The following ANKRD11 variants were observed in gnomAD, a reference collection of about 807,000 sequenced individuals.
ANKRD11 encodes the protein ankyrin repeat domain 11, also known as ankyrin repeat domain-containing protein 11.
A neutral mutation model predicts 195.7 loss-of-function variants in ANKRD11; 17 were observed. The observed-to-expected ratio is 0.09, with a 90% CI of 0.06 to 0.13. The LOEUF is 0.13. Among genes scored for constraint, ANKRD11 ranks in the 10% least tolerant of loss-of-function variants. The probability of loss-of-function intolerance (pLI) is 1.00; values close to 1 mark genes in which losing one functional copy is unlikely to be tolerated. For missense variants in ANKRD11, 3,735 were observed against 3,566.1 expected, an observed-to-expected ratio of 1.05 and a Z score of -1.21; for synonymous variants, 1,953 against 1,528.1, an observed-to-expected ratio of 1.28 and a Z score of -6.49.
chr16:89,324,247 G>C, intron 2 of ANKRD11: 1 of 1,214,912 alleles, frequency 8.2e-7, no homozygotes, highest in Non-Finnish European at 1.0e-6. Context: ...CACATGCTTG[G>C]TCACTGGGCT....
rs758065235 is a variant in ANKRD11 at position 89,283,849 on chromosome 16, C to G, written c.2693G>C (p.Arg898Pro). The G allele has an allele frequency of 1.9e-6, 3 of 1,614,162 alleles. No homozygotes were observed. The highest frequency in any genetic ancestry group is 1.3e-5 in the African/African-American group (1 of 75,044). Reference protein sequence around the residue: ...RRRDSRAREKRDYREPFFRKK... With the variant: ...RRRDSRAREKPDYREPFFRKK... ...TCGGAAGAAGGGCTCTCTGTAGTCT[C>G]GCTTCTCCCGGGCCCGGCTGTCCCG... The change falls in exon 9 of 13, where the codon CGA (arginine) becomes CCA (proline). Residue 898 changes from arginine to proline, a missense_variant. By Grantham distance (103) the Arg-to-Pro change is moderately radical. Transcript: ENST00000301030. The surrounding 1 kb of genome is among the most constrained non-coding windows in gnomAD (Gnocchi z 4.3).
intron 2 of ANKRD11, among the ~76,000 whole-genome samples, chr16:89,415,642 A>G (rs1451173235): frequency 6.6e-6 from 1 of 151,276 alleles, no homozygotes; most frequent in Non-Finnish European, 1.5e-5. Flanking sequence ...AGCCTGGCCA[A>G]CACAGTGAAA....
intron 3 of ANKRD11, among the ~76,000 whole-genome samples, chr16:89,312,962 T>C (rs1444981761): frequency 6.6e-6 from 1 of 152,214 alleles, no homozygotes; most frequent in Non-Finnish European, 1.5e-5. Context: ...AGTCTGTAAC[T>C]GGCACAGACT....
At chr16:89,293,087 C>A (rs774406096) in intron 4 of ANKRD11, among the ~76,000 whole-genome samples, 1 of 152,194 alleles carries the variant, frequency 6.6e-6, no homozygotes, top group Non-Finnish European at 1.5e-5. Context: ...TGCCCACAGT[C>A]GCCTGGAGAA....
intron 2 of ANKRD11, among the ~76,000 whole-genome samples, chr16:89,413,274 T>C (rs2042168122): frequency 6.6e-6 from 1 of 152,226 alleles, no homozygotes; most frequent in Admixed American, 6.5e-5. Flanking sequence ...CATATTTTTT[T>C]GATAATAATG....
At chr16:89,307,556 CG>C (rs1019558384) in intron 3 of ANKRD11, among the ~76,000 whole-genome samples, 25 of 152,298 alleles carry the variant, frequency 1.6e-4, no homozygotes, top group African/African-American at 6.0e-4. Context: ...GCCTCAGGAA[CG>C]TAACACCCAC....
intron 1 of ANKRD11, among the ~76,000 whole-genome samples, chr16:89,472,574 C>G (rs2057123946): frequency 6.6e-6 from 1 of 152,132 alleles, no homozygotes; most frequent in Non-Finnish European, 1.5e-5. Flanking sequence ...GGCTGGAGGG[C>G]AGTGGCACAT....
intron 4 of ANKRD11, chr16:89,300,666 G>C (rs192476569): frequency 7.6e-6 from 4 of 526,242 alleles, no homozygotes; most frequent in Non-Finnish European, 1.3e-5. Context: ...GGAGCCGTCA[G>C]AACAGCCGTC....
rs1240991756 is a variant in ANKRD11, at chr16:89,285,317, C to A, written c.1225G>T (p.Asp409Tyr). 13 of 1,614,000 alleles carry A rather than the reference C, an allele frequency of 8.1e-6. No homozygotes were observed. The highest frequency in any genetic ancestry group is 1.1e-5 in the Non-Finnish European group (13 of 1,180,036). ...PKKASHRILS[D>Y]TSDEEDASVT... is the part of the protein sequence containing the mutation. ...CTCGCGTCCTCCTCGTCCGACGTGT[C>A]TGACAGGATACGATGGGACGCTTTC... Residue 409 changes from aspartate (D) to tyrosine (Y), a missense_variant, in exon 9 of 13, where the codon GAC (aspartate) becomes TAC (tyrosine). Asp to Tyr is a radical substitution (Grantham distance 160, BLOSUM62 -3). Coordinates refer to ENST00000301030, the MANE Select transcript of ANKRD11 (RefSeq NM_013275.6). The surrounding 1 kb of genome is among the most constrained non-coding windows in gnomAD (Gnocchi z 5.6).
chr16:89,368,228 C>T (rs1225774464), intron 2 of ANKRD11, among the ~76,000 whole-genome samples: 1 of 151,666 alleles, frequency 6.6e-6, no homozygotes, highest in Non-Finnish European at 1.5e-5. Flanking sequence ...CAGATTCTTG[C>T]TCTGTTGCCC....
intron 2 of ANKRD11, among the ~76,000 whole-genome samples, chr16:89,376,679 T>TCCA (rs2040436517): frequency 6.6e-6 from 1 of 152,172 alleles, no homozygotes; most frequent in Non-Finnish European, 1.5e-5. Flanking sequence ...CCTCAAGCGA[T>TCCA]CCACCCACCT....
intron 1 of ANKRD11, among the ~76,000 whole-genome samples, chr16:89,457,658 C>T (rs2056496994): frequency 6.6e-6 from 1 of 150,848 alleles, no homozygotes; most frequent in African/African-American, 2.4e-5. Context: ...TCCACAATAA[C>T]AGAAAGTGGG....
At chr16:89,417,876 C>T (rs1482285739) in intron 2 of ANKRD11, among the ~76,000 whole-genome samples, 1 of 152,096 alleles carries the variant, frequency 6.6e-6, no homozygotes, top group Non-Finnish European at 1.5e-5. Context: ...GAACAGCTCC[C>T]AGGATACAGA....
intron 2 of ANKRD11, among the ~76,000 whole-genome samples, chr16:89,386,744 A>G (rs2040929490): frequency 1.3e-5 from 2 of 152,144 alleles, no homozygotes; most frequent in Non-Finnish European, 2.9e-5. Flanking sequence ...TGACTGTTGG[A>G]TTTCATCAAT....
At chr16:89,278,794 G>A (rs2033895454) in intron 9 of ANKRD11, 3 of 628,820 alleles carry the variant, frequency 4.8e-6, no homozygotes, top group South Asian at 1.5e-5. Context: ...AGCCCCACAC[G>A]AGTGGGACCG....
rs1446990351 is a variant in ANKRD11, at chr16:89,435,742, C to A, written c.-144-17374G>T. 2.6e-5 allele frequency among the ~76,000 whole-genome samples: 4 copies of A among 151,834 alleles called. No individual in the cohort carries two copies. In the South Asian group the frequency reaches 8.4e-4, roughly 32 times the overall value. On this transcript the variant is annotated intron_variant, in intron 1 of 12. Coordinates refer to ENST00000301030, the MANE Select transcript of ANKRD11 (RefSeq NM_013275.6). ...TGTCCTGCTGGGAGTCCAAGACCAACTGACTGTCCACTCAAGGAACAGACC... is the reference window on the plus strand; with the variant it reads ...TGTCCTGCTGGGAGTCCAAGACCAAATGACTGTCCACTCAAGGAACAGACC...
At chr16:89,462,110 C>G (rs1009734851) in intron 1 of ANKRD11, among the ~76,000 whole-genome samples, 1 of 142,064 alleles carries the variant, frequency 7.0e-6, no homozygotes, top group African/African-American at 2.6e-5. Flanking sequence ...TCTCTTTCCA[C>G]GGTCTCCCTC....
chr16:89,458,416 G>A lies in ANKRD11; in HGVS notation c.-145+31829C>T, dbSNP rs542098420. Among the ~76,000 whole-genome samples the A allele has an allele frequency of 3.6e-3, 541 of 152,162 alleles. 1 individual carries two copies. Among genetic ancestry groups the A allele is most frequent in the Non-Finnish European group, 5.7e-3 (385 of 67,994 alleles). On this transcript the variant is annotated intron_variant, in intron 1 of 12. Transcript: ENST00000301030. ...ATTTTTTGTATTTTTAGTAGAGACG[G>A]GGTTTCACCATGTTAGCCAGGATGG...
At chr16:89,338,726 C>CAAA (rs34799616) in intron 2 of ANKRD11, among the ~76,000 whole-genome samples, 2,043 of 43,474 alleles carry the variant, frequency 0.047, 247 homozygotes, top group East Asian at 0.37. Flanking sequence ...CACTCAGTCT[C>CAAA]AAAAAAAAAA....
Sources: gnomAD v4.1 joint callset for allele counts (sites outside exome capture counted in the v4.1 genomes callset) on GRCh38, gnomAD v4.1.1 for gene constraint, Gnocchi (gnomAD v3.1) non-coding constraint, MANE v1.5 for transcripts, NCBI Gene and HGNC (gene_info 2026-07-23, HGNC 2026-07-21) for gene names.